The following EFR3A variants were observed in gnomAD, a reference collection of about 807,000 sequenced individuals.
The protein encoded by EFR3A is protein EFR3 homolog A.
A neutral mutation model predicts 104.4 loss-of-function variants in EFR3A; 76 were observed. The observed-to-expected ratio is 0.73, with a 90% CI of 0.60 to 0.88. The LOEUF is 0.88. Among genes scored for constraint, EFR3A ranks in the 40% least tolerant of loss-of-function variants. EFR3A has a pLI of 0.00. For missense variants in EFR3A, 985 were observed against 1,012.5 expected, an observed-to-expected ratio of 0.97 and a Z score of 0.37; for synonymous variants, 330 against 330.0, an observed-to-expected ratio of 1.00 and a Z score of 0.00.
At chr8:131,964,258 A>G (rs990510446) in intron 8 of EFR3A, among the ~76,000 whole-genome samples, 58 of 151,956 alleles carry the variant, frequency 3.8e-4, no homozygotes, top group Non-Finnish European at 5.9e-4. Flanking sequence ...AGGGTATTCA[A>G]TTAGGAAAAG....
At chr8:131,957,640 G>A (rs937333486) in intron 7 of EFR3A, among the ~76,000 whole-genome samples, 2 of 152,182 alleles carry the variant, frequency 1.3e-5, no homozygotes, top group Non-Finnish European at 2.9e-5. Flanking sequence ...ATGAGCCACA[G>A]CACCCTGCCA....
At chr8:131,956,889 T>G (rs766498452) in intron 7 of EFR3A, among the ~76,000 whole-genome samples, 1 of 152,126 alleles carries the variant, frequency 6.6e-6, no homozygotes, top group Non-Finnish European at 1.5e-5. Context: ...TAAAGGCAAA[T>G]TTATTTTTTT....
At position 131,904,299 on chromosome 8, in the gene EFR3A, C is replaced by CG; in HGVS notation, c.-12dup. 1 of 1,265,764 alleles carries CG rather than the reference C, an allele frequency of 7.9e-7. No homozygotes were observed. The highest frequency in any genetic ancestry group is 1.0e-6 in the Non-Finnish European group (1 of 1,004,786). 78.4% of individuals were successfully genotyped at this position (1,265,764 alleles called of 1,614,324 possible). On this transcript the variant is annotated 5_prime_UTR_variant, in exon 1 of 23. Coordinates refer to ENST00000254624, the MANE Select transcript of EFR3A (RefSeq NM_015137.6). ...CTGAGCCTCGGTGCGGCGGCGAGCG[C>CG]GGTCGAGATCGCCATGCCTACCCGT...
At chr8:131,966,228 A>C (rs886220235) in intron 8 of EFR3A, among the ~76,000 whole-genome samples, 2 of 152,094 alleles carry the variant, frequency 1.3e-5, no homozygotes, top group Non-Finnish European at 2.9e-5. Flanking sequence ...TAAATAAATA[A>C]AAAGCAACAA....
At chr8:131,966,222 T>A (rs950319725) in intron 8 of EFR3A, among the ~76,000 whole-genome samples, 8 of 151,844 alleles carry the variant, frequency 5.3e-5, no homozygotes, top group Admixed American at 2.6e-4. Flanking sequence ...AAAAAATAAA[T>A]AAATAAAAAG....
chr8:131,956,815 T>C (rs1288531254), intron 7 of EFR3A, among the ~76,000 whole-genome samples: 1 of 152,170 alleles, frequency 6.6e-6, no homozygotes, highest in Non-Finnish European at 1.5e-5. Flanking sequence ...AGATCTATTG[T>C]TTAAAGGCTC....
In EFR3A at chr8:131,942,122, T is replaced by G. The variant is rs544864777; in HGVS notation, c.87+1547T>G. Among the ~76,000 whole-genome samples, 278 of 152,184 alleles carry G rather than the reference T, an allele frequency of 1.8e-3. 2 individuals are homozygous for G. The highest frequency in any genetic ancestry group is 6.5e-3 in the African/African-American group (270 of 41,564). On this transcript the variant is annotated intron_variant, in intron 2 of 22. Coordinates refer to ENST00000254624, the MANE Select transcript of EFR3A (RefSeq NM_015137.6). ...CTACTATAGTCACTTTAACTTGTAGTCAGTGAAGGAGCTTTGAACACTTGA... is the reference window on the plus strand; with the variant it reads ...CTACTATAGTCACTTTAACTTGTAGGCAGTGAAGGAGCTTTGAACACTTGA...
intron 2 of EFR3A, among the ~76,000 whole-genome samples, chr8:131,941,897 G>T (rs1227972258): frequency 1.3e-5 from 2 of 152,088 alleles, no homozygotes; most frequent in African/African-American, 4.8e-5. Flanking sequence ...CAGACTTCAA[G>T]CGAAGGTTTA....
At chr8:131,971,396 C>T (rs1414945357) in intron 10 of EFR3A, among the ~76,000 whole-genome samples, 2 of 152,044 alleles carry the variant, frequency 1.3e-5, no homozygotes, top group African/African-American at 4.8e-5. Flanking sequence ...TATGGTGTTT[C>T]CTTGTGATTA....
intron 1 of EFR3A, among the ~76,000 whole-genome samples, chr8:131,911,999 A>G (rs193268362): frequency 1.3e-5 from 2 of 152,324 alleles, no homozygotes; most frequent in Admixed American, 6.5e-5. Flanking sequence ...TTGGGGAAAA[A>G]GGGTTCTGGT....
At chr8:131,908,657 T>A (rs1816369852) in intron 1 of EFR3A, among the ~76,000 whole-genome samples, 1 of 152,120 alleles carries the variant, frequency 6.6e-6, no homozygotes, top group Admixed American at 6.6e-5. Context: ...AATAGAGCTG[T>A]TATTGCAACT....
intron 18 of EFR3A, among the ~76,000 whole-genome samples, chr8:131,993,638 G>A (rs909448527): frequency 9.9e-5 from 15 of 151,638 alleles, no homozygotes; most frequent in African/African-American, 3.6e-4. Flanking sequence ...GCTCACACCT[G>A]TAATCCTGGC....
Position 132,013,475 on chromosome 8 carries a change from T to C in EFR3A, c.*2580T>C, listed in dbSNP as rs138317657. ...TGAAAATGGAACTAATTTGTCTTATTCGTGCTTATATCTGTATTAAATGCA... is the reference window on the plus strand; with the variant it reads ...TGAAAATGGAACTAATTTGTCTTATCCGTGCTTATATCTGTATTAAATGCA... On this transcript the variant is annotated 3_prime_UTR_variant, in exon 23 of 23. Transcript: ENST00000254624. 2 of 152,734 alleles carry C rather than the reference T, an allele frequency of 1.3e-5. No individual in the cohort carries two copies. The highest frequency in any genetic ancestry group is 3.9e-4 in the East Asian group (2 of 5,184). The allele number at this position is 152,734 out of a possible 1,614,324, so 9.5% of individuals were successfully genotyped here.
At chr8:131,971,782 G>T (rs1412860077) in intron 10 of EFR3A, among the ~76,000 whole-genome samples, 1 of 151,918 alleles carries the variant, frequency 6.6e-6, no homozygotes, top group Non-Finnish European at 1.5e-5. Context: ...GGTGCACACT[G>T]TAACTTGCTC....
chr8:132,010,409 T>G (rs1281641607), intron 22 of EFR3A, among the ~76,000 whole-genome samples: 3 of 10,068 alleles, frequency 3.0e-4, no homozygotes, highest in Non-Finnish European at 6.8e-4. Flanking sequence ...AAGTATGAGA[T>G]ATATATATAT....
At chr8:131,966,764 A>G (rs1819760256) in intron 8 of EFR3A, among the ~76,000 whole-genome samples, 1 of 152,162 alleles carries the variant, frequency 6.6e-6, no homozygotes, top group South Asian at 2.1e-4. Context: ...TGCGTCTTAA[A>G]GCGATTCATC....
chr8:131,907,933 T>C lies in EFR3A; in HGVS notation c.10+3611T>C, dbSNP rs76988761. ...TTTGCAGTGACCTTTGGCTTGACAC[T>C]GCCCTGTTTGCTGCCCAGATCTCAT... On this transcript the variant is annotated intron_variant, in intron 1 of 22. Coordinates refer to ENST00000254624, the MANE Select transcript of EFR3A (RefSeq NM_015137.6). Among the ~76,000 whole-genome samples the C allele has an allele frequency of 7.8e-3, 1,194 of 152,196 alleles. 13 individuals are homozygous for C. The highest frequency in any genetic ancestry group is 0.028 in the African/African-American group (1,144 of 41,510).
intron 17 of EFR3A, among the ~76,000 whole-genome samples, 165 bp downstream of exon 17, chr8:131,986,426 G>T (rs1029638079): frequency 2.0e-5 from 3 of 151,992 alleles, no homozygotes; most frequent in African/African-American, 7.2e-5. Context: ...TGTTATAAAA[G>T]GGCCTGCACA....
intron 7 of EFR3A, among the ~76,000 whole-genome samples, chr8:131,958,268 T>A (rs888269106): frequency 6.6e-6 from 1 of 152,136 alleles, no homozygotes; most frequent in African/African-American, 2.4e-5. Context: ...CATTAAAGAT[T>A]TATTTTATAT....
Sources: allele counts gnomAD v4.1 joint callset (sites outside exome capture counted in the v4.1 genomes callset), GRCh38; gene constraint gnomAD v4.1.1; transcripts MANE v1.5; gene names NCBI Gene and HGNC (gene_info 2026-07-23, HGNC 2026-07-21).